The following NHS variants were observed in gnomAD, a reference collection of about 807,000 sequenced individuals.
NHS encodes actin remodeling regulator NHS.
Under a neutral mutation model 72.5 loss-of-function variants are expected in NHS, and 5 were observed. That is an observed-to-expected ratio of 0.07 (90% CI 0.04 to 0.14). The LOEUF is 0.14. Among genes scored for constraint, NHS ranks in the 10% least tolerant of loss-of-function variants. The pLI, the probability that NHS is intolerant of heterozygous loss-of-function variation, is 1.00. For synonymous variants in NHS, 464 were observed against 547.7 expected, an observed-to-expected ratio of 0.85 and a Z score of 2.13; for missense variants, 1,072 against 1,355.7, an observed-to-expected ratio of 0.79 and a Z score of 3.29.
intron 1 of NHS, among the ~76,000 whole-genome samples, chrX:17,458,349 C>G (rs1452515083): frequency 9.0e-6 from 1 of 111,503 alleles, no homozygotes; most frequent in African/African-American, 3.3e-5. Flanking sequence ...ATGCCTCAGC[C>G]TGCTGAGTAG....
intron 1 of NHS, among the ~76,000 whole-genome samples, chrX:17,551,455 C>A (rs1057223804): frequency 5.4e-5 from 6 of 111,732 alleles, no homozygotes; most frequent in African/African-American, 2.0e-4. Flanking sequence ...GCCCCCTTCC[C>A]CAGCAGTCTT....
intron 1 of NHS, among the ~76,000 whole-genome samples, chrX:17,453,620 A>G (rs1020671633): frequency 1.8e-5 from 2 of 112,163 alleles, no homozygotes; most frequent in Admixed American, 9.5e-5. Flanking sequence ...TTTTGATACA[A>G]TTGATTTGCT....
At chrX:17,431,775 G>A (rs1271136707) in intron 1 of NHS, among the ~76,000 whole-genome samples, 1 of 112,188 alleles carries the variant, frequency 8.9e-6, no homozygotes, top group Non-Finnish European at 1.9e-5. Context: ...AAGGGTCTTA[G>A]TGCAATTTCA....
intron 1 of NHS, among the ~76,000 whole-genome samples, chrX:17,515,184 C>G (rs960024102): frequency 8.9e-6 from 1 of 112,113 alleles, no homozygotes; most frequent in African/African-American, 3.2e-5. Flanking sequence ...AAAGCTGGCC[C>G]TATTCATCAC....
rs1358663079 is a variant in NHS at position 17,375,850 on chromosome X, C to G, written c.93C>G (p.Ser31Arg). Residue 31 changes from serine (S) to arginine (R), a missense_variant, in exon 1 of 9, where the codon AGC (serine) becomes AGG (arginine). Physicochemically the swap from Ser to Arg is moderately radical, Grantham distance 110. Coordinates refer to ENST00000676302, the MANE Select transcript of NHS (RefSeq NM_001291867.2). ...PGPAVDASGG[S>R]AEPPPPLQPP... ...CAGCAGTGGACGCGAGCGGAGGCAG[C>G]GCTGAGCCGCCGCCGCCCTTGCAGC... is the stretch of plus-strand genomic sequence containing the variant. 1.8e-6 allele frequency: 2 copies of G among 1,130,917 alleles called. No homozygotes were observed. Among genetic ancestry groups the G allele is most frequent in the South Asian group, 4.0e-5 (2 of 49,526 alleles). 93.2% of individuals were successfully genotyped at this position (1,130,917 alleles called of 1,213,427 possible). A position where few individuals can be genotyped will look rare whatever the true frequency, so the allele number is the denominator to read the frequency against.
chrX:17,512,662 T>C (rs1162676729), intron 1 of NHS, among the ~76,000 whole-genome samples: 5 of 112,545 alleles, frequency 4.4e-5, no homozygotes, highest in African/African-American at 1.6e-4. Flanking sequence ...AATGTGAAAT[T>C]TGCATGATGC....
At chrX:17,615,261 CATAT>C (rs756380375) in intron 1 of NHS, among the ~76,000 whole-genome samples, 1 of 89,847 alleles carries the variant, frequency 1.1e-5, no homozygotes, top group African/African-American at 5.1e-5. Context: ...CATATATACA[CATAT>C]ATATATATAT....
At chrX:17,447,841 T>A (rs189894642) in intron 1 of NHS, among the ~76,000 whole-genome samples, 93 of 110,120 alleles carry the variant, frequency 8.4e-4, no homozygotes, top group African/African-American at 2.9e-3. Context: ...GGTTCTTTCT[T>A]CTTTAATTGT....
chrX:17,608,916 GT>G (rs2065695443), intron 1 of NHS, among the ~76,000 whole-genome samples: 1 of 112,098 alleles, frequency 8.9e-6, no homozygotes, highest in African/African-American at 3.2e-5. Flanking sequence ...AACTTGAGCA[GT>G]TTTTAAAGAC....
chrX:17,601,271 A>G (rs1376900535), intron 1 of NHS, among the ~76,000 whole-genome samples: 1 of 111,911 alleles, frequency 8.9e-6, no homozygotes, highest in African/African-American at 3.3e-5. Context: ...GAGGAAGAGA[A>G]ATGGACATTG....
chrX:17,646,013 G>A lies in NHS; in HGVS notation c.566-41729G>A, dbSNP rs186041197. Among the ~76,000 whole-genome samples, 46 of 111,754 alleles carry A rather than the reference G, an allele frequency of 4.1e-4. 1 individual carries two copies. The South Asian group carries it at 6.5e-3, about 16-fold the overall frequency. On this transcript the variant is annotated intron_variant, in intron 1 of 8. Transcript: ENST00000676302. Reference sequence around the variant, plus strand: ...GACATCCAGGCTGGAGTGCAGTACCGTGATCACGGCTCACTGCAGCCTCGA... The same window carrying A: ...GACATCCAGGCTGGAGTGCAGTACCATGATCACGGCTCACTGCAGCCTCGA...
Position 17,726,430 on chromosome X carries a change from C to T in NHS, c.2324C>T (p.Ser775Phe). ...CCATCAGACAAAGCGGACACTAGCT[C>T]TCACTTTTCAGTAGACACGGAAGGA... The part of the protein sequence containing the change: ...KSPSDKADTS[S>F]HFSVDTEGYY... Residue 775 changes from serine (S) to phenylalanine (F), a missense_variant, in exon 7 of 9, where the codon TCT becomes TTT. By Grantham distance (155) the Ser-to-Phe change is radical. Transcript: ENST00000676302. 3 of 1,212,111 alleles carry T rather than the reference C, an allele frequency of 2.5e-6. No individual in the cohort carries two copies. Among genetic ancestry groups the T allele is most frequent in the Non-Finnish European group, 3.3e-6 (3 of 895,546 alleles).
chrX:17,404,883 C>A (rs1033969130), intron 1 of NHS, among the ~76,000 whole-genome samples: 1 of 110,114 alleles, frequency 9.1e-6, no homozygotes, highest in African/African-American at 3.3e-5. Flanking sequence ...TTGTGCTCTT[C>A]CACTAAACTG....
At chrX:17,551,465 T>G (rs2065336059) in intron 1 of NHS, among the ~76,000 whole-genome samples, 1 of 111,750 alleles carries the variant, frequency 8.9e-6, no homozygotes, top group Non-Finnish European at 1.9e-5. Context: ...CCAGCAGTCT[T>G]GATGTTGATG....
At chrX:17,468,259 TCC>T (rs754286608) in intron 1 of NHS, among the ~76,000 whole-genome samples, 3 of 111,416 alleles carry the variant, frequency 2.7e-5, no homozygotes, top group Non-Finnish European at 5.7e-5. Flanking sequence ...AAAGAAAAGT[TCC>T]TTGCCATCGA....
At chrX:17,598,556 C>G (rs1037316855) in intron 1 of NHS, among the ~76,000 whole-genome samples, 6 of 111,416 alleles carry the variant, frequency 5.4e-5, no homozygotes, top group African/African-American at 2.0e-4. Context: ...TCACAACAAC[C>G]CACAACAAAG....
rs747802655 is a variant in NHS at position 17,536,358 on chromosome X, AAAAC to A, written c.566-151372_566-151369del. ...CAACAGAGCGAGACTCCGTCTCAAA[AAAAC>A]AAACAAACAAAAAACAAACAAACAA... On this transcript the variant is annotated intron_variant, in intron 1 of 8. Coordinates refer to ENST00000676302, the MANE Select transcript of NHS (RefSeq NM_001291867.2). Among the ~76,000 whole-genome samples, 22 of 111,915 alleles carry A rather than the reference AAAAC, an allele frequency of 2.0e-4. No homozygotes were observed. The East Asian group carries it at 3.4e-3, about 17-fold the overall frequency.
chrX:17,411,631 A>G (rs1291869312), intron 1 of NHS, among the ~76,000 whole-genome samples: 1 of 112,123 alleles, frequency 8.9e-6, no homozygotes, highest in Admixed American at 9.5e-5. Context: ...ACAATTTTAT[A>G]TCACCTACAG....
At chrX:17,615,230 A>ATATATACGTATATATATACG (rs2065738251) in intron 1 of NHS, among the ~76,000 whole-genome samples, 3 of 82,235 alleles carry the variant, frequency 3.6e-5, no homozygotes, top group African/African-American at 2.2e-4. Context: ...ATATACACAT[A>ATATATACGTATATATATACG]TATATACGTA....
Sources: allele counts gnomAD v4.1 joint callset (sites outside exome capture counted in the v4.1 genomes callset), GRCh38; gene constraint gnomAD v4.1.1; transcripts MANE v1.5; gene names NCBI Gene and HGNC (gene_info 2026-07-23, HGNC 2026-07-21).